FAT4: variants seen among roughly 807,000 people sequenced by gnomAD.
FAT4 encodes protocadherin Fat 4.
Under a neutral mutation model 303.9 loss-of-function variants are expected in FAT4, and 84 were observed. The ratio of observed to expected loss-of-function variants is 0.28; its 90% confidence interval spans 0.23 to 0.33. FAT4 has a LOEUF of 0.33. Ranked by LOEUF, FAT4 falls within the 10% of genes least tolerant of loss-of-function variation. FAT4 has a pLI of 1.00. For missense variants in FAT4, 6,005 were observed against 6,146.8 expected, an observed-to-expected ratio of 0.98 and a Z score of 0.77; for synonymous variants, 2,307 against 2,298.8, an observed-to-expected ratio of 1.00 and a Z score of -0.10.
At chr4:125,394,726 C>T (rs1189906625) in intron 2 of FAT4, among the ~76,000 whole-genome samples, 1 of 152,102 alleles carries the variant, frequency 6.6e-6, no homozygotes, top group African/African-American at 2.4e-5. Flanking sequence ...TGGTTGGTGT[C>T]AGATCTGAGA....
In FAT4 at chr4:125,316,309, C is replaced by A; in HGVS notation, c.-12-91C>A. ...AAATAGCAGAGGTCTCAGACCAAGC[C>A]GTCAGCTGAATCTTTGCTGGCGCTC... is the stretch of plus-strand genomic sequence containing the variant. On this transcript the variant is annotated intron_variant, in intron 1 of 17. Transcript: ENST00000394329. The surrounding 1 kb of genome is among the most constrained non-coding windows in gnomAD (Gnocchi z 5.7). 4.8e-6 allele frequency: 7 copies of A among 1,446,578 alleles called. No homozygotes were observed. The highest frequency in any genetic ancestry group is 4.6e-6 in the Non-Finnish European group (5 of 1,083,306). The allele number at this position is 1,446,578 out of a possible 1,614,324, so 89.6% of individuals were successfully genotyped here. A position where few individuals can be genotyped will look rare whatever the true frequency, so the allele number is the denominator to read the frequency against.
chr4:125,340,155 T>C (rs1731727972), intron 2 of FAT4, among the ~76,000 whole-genome samples: 1 of 152,076 alleles, frequency 6.6e-6, no homozygotes, highest in South Asian at 2.1e-4. Flanking sequence ...TTTGTGGATA[T>C]TCAATATAAG....
intron 2 of FAT4, among the ~76,000 whole-genome samples, chr4:125,376,630 T>C (rs2125995494): frequency 6.6e-6 from 1 of 152,284 alleles, no homozygotes; most frequent in South Asian, 2.1e-4. Flanking sequence ...CCTGGCGCGG[T>C]GGCTCATGCC....
At chr4:125,456,681 G>T (rs1726292491) in intron 10 of FAT4, among the ~76,000 whole-genome samples, 1 of 152,044 alleles carries the variant, frequency 6.6e-6, no homozygotes, top group African/African-American at 2.4e-5. Flanking sequence ...ATCTCTGAAG[G>T]ATCATTCTGA....
At chr4:125,341,420 A>G (rs1231551989) in intron 2 of FAT4, among the ~76,000 whole-genome samples, 1 of 152,108 alleles carries the variant, frequency 6.6e-6, no homozygotes, top group Non-Finnish European at 1.5e-5. Context: ...AATTACTATT[A>G]GTATAGAGAC....
Position 125,319,271 on chromosome 4 carries a change from C to T in FAT4, c.2860C>T (p.Pro954Ser), listed in dbSNP as rs1024558745. The change falls in exon 2 of 18, where the codon CCC becomes TCC. Residue 954 changes from proline (P) to serine (S), a missense_variant. Coordinates refer to ENST00000394329, the MANE Select transcript of FAT4 (RefSeq NM_001291303.3). ...GAATGGCACTATTAGTCTGCTTGGGCCCCTGGATGTTCATGCTGGCTCCTA... is the reference window on the plus strand; with the variant it reads ...GAATGGCACTATTAGTCTGCTTGGGTCCCTGGATGTTCATGCTGGCTCCTA... ...EKNGTISLLGPLDVHAGSYQI... is the reference protein window; with the variant it reads ...EKNGTISLLGSLDVHAGSYQI... The T allele has an allele frequency of 1.9e-6, 3 of 1,613,972 alleles. No homozygotes were observed. The highest frequency in any genetic ancestry group is 1.3e-5 in the African/African-American group (1 of 74,918).
At chr4:125,478,044 A>G (rs191462222) in intron 14 of FAT4, among the ~76,000 whole-genome samples, 1 of 152,146 alleles carries the variant, frequency 6.6e-6, no homozygotes, top group Non-Finnish European at 1.5e-5. Flanking sequence ...AACTGTTGCT[A>G]TACACTTTAG....
At chr4:125,469,450 T>C (rs1265001417) in intron 12 of FAT4, among the ~76,000 whole-genome samples, 2 of 152,210 alleles carry the variant, frequency 1.3e-5, no homozygotes, top group African/African-American at 4.8e-5. Flanking sequence ...ATTGATACCA[T>C]TTTACCCACA....
intron 2 of FAT4, among the ~76,000 whole-genome samples, chr4:125,384,869 A>G (rs1294085984): frequency 6.6e-6 from 1 of 151,760 alleles, no homozygotes. Context: ...TGGATTCATT[A>G]ATGGATTTTT....
Position 125,406,883 on chromosome 4 carries a change from G to A in FAT4, c.5311G>A (p.Ala1771Thr), listed in dbSNP as rs147751409. The change falls in exon 4 of 18, where the codon GCA (alanine) becomes ACA (threonine). Residue 1771 changes from alanine to threonine, a missense_variant. Transcript: ENST00000394329. ...GATGCTTGGTCTCTTTTTTTAGGGT[G>A]CAAATGCTCTCGTCACATACACTAT... ...QLTAMDADEG[A>T]NALVTYTIIS... 36 of 1,612,706 alleles carry A rather than the reference G, an allele frequency of 2.2e-5. 1 individual carries two copies. The African/African-American group carries it at 4.0e-4, about 18-fold the overall frequency.
At position 125,408,459 on chromosome 4, in the gene FAT4, C is replaced by T. The variant is rs1389221400; in HGVS notation, c.5585C>T (p.Ala1862Val). ...EDTIPGSLVA[A>V]ILATDDDSGV... Reference sequence around the variant, plus strand: ...CTTTTGATAGGTTCTTTGGTAGCAGCCATTTTAGCCACGGATGATGACTCT... The same window carrying T: ...CTTTTGATAGGTTCTTTGGTAGCAGTCATTTTAGCCACGGATGATGACTCT... Residue 1862 changes from alanine (A) to valine (V), a missense_variant, in exon 5 of 18, where the codon GCC becomes GTC. By Grantham distance (64) the Ala-to-Val change is moderately conservative. Coordinates refer to ENST00000394329, the MANE Select transcript of FAT4 (RefSeq NM_001291303.3). 1.3e-6 allele frequency: 2 copies of T among 1,594,472 alleles called. No homozygotes were observed. Among genetic ancestry groups the T allele is most frequent in the Non-Finnish European group, 1.7e-6 (2 of 1,171,986 alleles).
intron 2 of FAT4, among the ~76,000 whole-genome samples, chr4:125,323,695 G>A (rs1212942985): frequency 6.6e-6 from 1 of 152,152 alleles, no homozygotes; most frequent in East Asian, 1.9e-4. Context: ...TTTTTCAAGT[G>A]TATACAATAA....
At chr4:125,412,177 C>T (rs983153775) in intron 5 of FAT4, among the ~76,000 whole-genome samples, 44 of 151,662 alleles carry the variant, frequency 2.9e-4, no homozygotes, top group African/African-American at 1.0e-3. Flanking sequence ...TCAAATATTC[C>T]GGGAGAAATT....
rs1266735666 is a variant in FAT4, at chr4:125,452,657, G to C, written c.11647G>C (p.Val3883Leu). The change falls in exon 10 of 18, where the codon GTG (valine) becomes CTG (leucine). Residue 3883 changes from valine (V) to leucine (L), a missense_variant. Physicochemically the swap from Val to Leu is conservative, Grantham distance 32. Transcript: ENST00000394329. ...CHSGGTCHNL[V>L]GGFSCSCPDG... ...CAGTGGTGGAACCTGTCACAATTTA[G>C]TGGGAGGATTTTCATGCAGCTGCCC... 2 of 1,614,044 alleles carry C rather than the reference G, an allele frequency of 1.2e-6. No homozygotes were observed. Among genetic ancestry groups the C allele is most frequent in the Non-Finnish European group, 1.7e-6 (2 of 1,180,032 alleles).
intron 2 of FAT4, among the ~76,000 whole-genome samples, chr4:125,384,787 C>CA (rs1733670259): frequency 6.6e-6 from 1 of 151,728 alleles, no homozygotes; most frequent in Admixed American, 6.6e-5. Flanking sequence ...TAAATGTGAA[C>CA]ACCTGGGTAT....
chr4:125,411,856 GTA>G (rs10536435), intron 5 of FAT4, among the ~76,000 whole-genome samples: 135,891 of 147,342 alleles, frequency 0.92, 62,653 homozygotes, highest in East Asian at 1. Context: ...GTGTATGTGT[GTA>G]TATATATATA....
At chr4:125,323,768 A>G (rs903596123) in intron 2 of FAT4, among the ~76,000 whole-genome samples, 1 of 152,182 alleles carries the variant, frequency 6.6e-6, no homozygotes, top group Non-Finnish European at 1.5e-5. Context: ...TAAGTTATAC[A>G]TTTCCTCTTG....
chr4:125,345,312 G>T (rs902187010), intron 2 of FAT4, among the ~76,000 whole-genome samples: 1 of 151,910 alleles, frequency 6.6e-6, no homozygotes, highest in Non-Finnish European at 1.5e-5. Flanking sequence ...GACAATTAAG[G>T]TGCTAAGATT....
At chr4:125,378,755 C>G (rs78083805) in intron 2 of FAT4, among the ~76,000 whole-genome samples, 4,673 of 152,204 alleles carry the variant, frequency 0.031, 248 homozygotes, top group Admixed American at 0.13. Context: ...GAATTCCATA[C>G]TCAATATTTG....
Sources: allele counts gnomAD v4.1 joint callset (sites outside exome capture counted in the v4.1 genomes callset), GRCh38; gene constraint gnomAD v4.1.1; non-coding constraint Gnocchi (gnomAD v3.1); transcripts MANE v1.5; gene names NCBI Gene and HGNC (gene_info 2026-07-23, HGNC 2026-07-21).